The following PLXDC2 variants were observed in gnomAD, a reference collection of about 807,000 sequenced individuals.
The protein encoded by PLXDC2 is plexin domain-containing protein 2.
A neutral mutation model predicts 68.9 loss-of-function variants in PLXDC2; 40 were observed. That is an observed-to-expected ratio of 0.58 (90% CI 0.45 to 0.76). PLXDC2 has a LOEUF of 0.76. Among genes scored for constraint, PLXDC2 ranks in the 30% least tolerant of loss-of-function variants. The pLI is 0.00. For synonymous variants in PLXDC2, 243 were observed against 234.2 expected (o/e 1.04, Z -0.34); for missense variants, 644 against 661.9 (o/e 0.97, Z 0.30).
chr10:19,985,593 T>A (rs1834622341), intron 1 of PLXDC2, among the ~76,000 whole-genome samples: 1 of 152,218 alleles, frequency 6.6e-6, no homozygotes, highest in Non-Finnish European at 1.5e-5. Flanking sequence ...TTACTTTTCT[T>A]CTCTGAGTCC....
chr10:20,261,859 A>G (rs1478956977), intron 13 of PLXDC2, among the ~76,000 whole-genome samples: 1 of 27,020 alleles, frequency 3.7e-5, no homozygotes, highest in African/African-American at 9.3e-5. Flanking sequence ...CATCTCAAAT[A>G]ATAATAATAA....
At chr10:19,944,024 G>A (rs114599221) in intron 1 of PLXDC2, among the ~76,000 whole-genome samples, 1,965 of 152,160 alleles carry the variant, frequency 0.013, 47 homozygotes, top group African/African-American at 0.044. Flanking sequence ...TTACTTTCCC[G>A]TAGCGATGAT....
At chr10:19,980,246 A>C (rs1050429511) in intron 1 of PLXDC2, among the ~76,000 whole-genome samples, 4 of 152,202 alleles carry the variant, frequency 2.6e-5, no homozygotes, top group Admixed American at 6.5e-5. Flanking sequence ...TATCTAGTTG[A>C]AGGGTTCAGT....
chr10:20,146,352 CTTTT>C (rs1288706693), intron 5 of PLXDC2, among the ~76,000 whole-genome samples: 2 of 151,356 alleles, frequency 1.3e-5, no homozygotes, highest in Non-Finnish European at 3.0e-5. Context: ...TTCCTTCTTT[CTTTT>C]CTTTTCTCCT....
chr10:20,062,488 G>A (rs10764194), intron 3 of PLXDC2, among the ~76,000 whole-genome samples: 22,322 of 151,878 alleles, frequency 0.15, 1,926 homozygotes, highest in South Asian at 0.31. Context: ...GTATGAAATC[G>A]CACAGTTACT....
intron 1 of PLXDC2, among the ~76,000 whole-genome samples, chr10:19,825,479 T>C (rs1038412692): frequency 1.3e-5 from 2 of 152,204 alleles, no homozygotes; most frequent in Admixed American, 1.3e-4. Context: ...TTGCTTAGGA[T>C]ACTGTATTCT....
chr10:20,168,622 G>A (rs1296335875), intron 7 of PLXDC2, among the ~76,000 whole-genome samples: 2 of 152,134 alleles, frequency 1.3e-5, no homozygotes, highest in Non-Finnish European at 2.9e-5. Context: ...AAATGTATTT[G>A]TAAATCTTTA....
At chr10:20,228,392 C>T (rs1835313913) in intron 12 of PLXDC2, among the ~76,000 whole-genome samples, 1 of 151,880 alleles carries the variant, frequency 6.6e-6, no homozygotes, top group Non-Finnish European at 1.5e-5. Context: ...GAAACCCTGT[C>T]TCTACAAAAA....
rs188045619 is a variant in PLXDC2 at position 19,865,833 on chromosome 10, C to G, written c.112+48642C>G. The stretch of plus-strand genomic sequence containing the variant: ...TCTGGAAATACACAGTCTTAACTTC[C>G]AGCTGCCTGACACATGATGAACACC... On this transcript the variant is annotated intron_variant, in intron 1 of 13. Coordinates refer to ENST00000377252, the MANE Select transcript of PLXDC2 (RefSeq NM_032812.9). Among the ~76,000 whole-genome samples the G allele has an allele frequency of 2.0e-4, 31 of 152,248 alleles. No homozygotes were observed. The East Asian group carries it at 6.0e-3, about 29-fold the overall frequency.
chr10:20,000,274 TTTTTTGTTTTGTTTTG>T lies in PLXDC2; in HGVS notation c.113-1495_113-1480del, dbSNP rs1046713925. On this transcript the variant is annotated intron_variant, in intron 1 of 13. Coordinates refer to ENST00000377252, the MANE Select transcript of PLXDC2 (RefSeq NM_032812.9). ...CAGCCCTTTATGTACATGAGTTTTT[TTTTTTGTTTTGTTTTG>T]TTTTTTTAGCCTCTAACAATTCAAT... 2.6e-5 allele frequency among the ~76,000 whole-genome samples: 4 copies of T among 151,692 alleles called. No homozygotes were observed. The East Asian group carries it at 5.8e-4, about 22-fold the overall frequency.
intron 1 of PLXDC2, among the ~76,000 whole-genome samples, chr10:19,879,107 A>C (rs185920442): frequency 6.6e-6 from 1 of 152,336 alleles, no homozygotes; most frequent in African/African-American, 2.4e-5. Context: ...CTAGGGATTA[A>C]AATTTCTTAA....
At chr10:19,962,442 G>A (rs1205910165) in intron 1 of PLXDC2, among the ~76,000 whole-genome samples, 2 of 123,860 alleles carry the variant, frequency 1.6e-5, no homozygotes, top group Non-Finnish European at 3.2e-5. Context: ...CCAGGCTGCA[G>A]TGCAGTGGCA....
intron 9 of PLXDC2, 139 bp from the exon 10 acceptor site, chr10:20,211,530 A>C (rs1342034760): frequency 1.5e-6 from 1 of 652,836 alleles, no homozygotes; most frequent in Non-Finnish European, 2.6e-6. Context: ...TCCAGTTGCG[A>C]GTTCTATAGA....
chr10:19,940,020 C>T (rs527832769), intron 1 of PLXDC2, among the ~76,000 whole-genome samples: 1 of 151,672 alleles, frequency 6.6e-6, no homozygotes, highest in Non-Finnish European at 1.5e-5. Flanking sequence ...GATGTTTAAG[C>T]TGGTTGCTTG....
chr10:19,913,609 T>G (rs952163263), intron 1 of PLXDC2, among the ~76,000 whole-genome samples: 1 of 152,172 alleles, frequency 6.6e-6, no homozygotes, highest in African/African-American at 2.4e-5. Context: ...TAAGTCGAAA[T>G]GTAGGGTGAA....
intron 13 of PLXDC2, among the ~76,000 whole-genome samples, chr10:20,268,644 T>G (rs983881312): frequency 6.6e-6 from 1 of 152,196 alleles, no homozygotes; most frequent in Non-Finnish European, 1.5e-5. Flanking sequence ...GATTAGACCT[T>G]AACTTGCCAG....
intron 1 of PLXDC2, among the ~76,000 whole-genome samples, chr10:19,841,868 G>A (rs896478485): frequency 4.0e-5 from 6 of 151,790 alleles, no homozygotes; most frequent in African/African-American, 1.5e-4. Context: ...TAGTATATAC[G>A]TACATAGCAG....
chr10:20,041,886 A>C (rs1009679026), intron 2 of PLXDC2, among the ~76,000 whole-genome samples: 3 of 152,126 alleles, frequency 2.0e-5, no homozygotes, highest in African/African-American at 7.2e-5. Flanking sequence ...AATGAATCTC[A>C]TATCTCTTCT....
chr10:20,044,122 T>TCCTTCCTTCCTTCCTTCTTTCCTCCCTC (rs71388894), intron 2 of PLXDC2, among the ~76,000 whole-genome samples: 3 of 99,738 alleles, frequency 3.0e-5, no homozygotes, highest in Admixed American at 2.0e-4. Flanking sequence ...CTTCCTTCCT[T>TCCTTCCTTCCTTCCTTCTTTCCTCCCTC]CCTCCCTCCC....
Sources: gnomAD v4.1 joint callset for allele counts (sites outside exome capture counted in the v4.1 genomes callset) on GRCh38, gnomAD v4.1.1 for gene constraint, MANE v1.5 for transcripts, NCBI Gene and HGNC (gene_info 2026-07-23, HGNC 2026-07-21) for gene names.